Variants in TCERG1L observed in about 807,000 individuals in gnomAD.
The protein encoded by TCERG1L is transcription elongation regulator 1 like, also known as transcription elongation regulator 1-like protein.
In TCERG1L, 37 loss-of-function variants were observed where a neutral mutation model predicts 56.3. That is an observed-to-expected ratio of 0.66 (90% CI 0.51 to 0.87). The LOEUF (loss-of-function observed/expected upper bound fraction) is 0.87. Among genes scored for constraint, TCERG1L ranks in the 40% least tolerant of loss-of-function variants. TCERG1L has a pLI of 0.00. For missense variants in TCERG1L, 799 were observed against 774.2 expected, an observed-to-expected ratio of 1.03 and a Z score of -0.38; for synonymous variants, 324 against 326.3, an observed-to-expected ratio of 0.99 and a Z score of 0.08.
intron 9 of TCERG1L, among the ~76,000 whole-genome samples, chr10:131,115,765 G>C (rs1389591013): frequency 1.1e-4 from 16 of 152,282 alleles, no homozygotes; most frequent in African/African-American, 3.6e-4. Flanking sequence ...ATTCCTAAGG[G>C]GTAGGACCTG....
intron 1 of TCERG1L, 106 bp from the exon 2 acceptor site, chr10:131,309,405 G>T (rs1407153751): frequency 1.4e-6 from 2 of 1,395,042 alleles, no homozygotes; most frequent in Admixed American, 5.6e-5. Context: ...ATTTCAAAAT[G>T]TATGTATTTG....
intron 4 of TCERG1L, among the ~76,000 whole-genome samples, chr10:131,218,341 C>T (rs1003991287): frequency 2.0e-5 from 3 of 152,174 alleles, no homozygotes; most frequent in Non-Finnish European, 2.9e-5. Flanking sequence ...GTGGAAACGC[C>T]GCATAATCCT....
chr10:131,169,173 C>T (rs1846063556), intron 4 of TCERG1L, among the ~76,000 whole-genome samples: 3 of 152,186 alleles, frequency 2.0e-5, no homozygotes, highest in African/African-American at 7.2e-5. Context: ...TGTCCTGATC[C>T]TGCAGGGTCG....
intron 4 of TCERG1L, among the ~76,000 whole-genome samples, chr10:131,242,103 T>C (rs1845980098): frequency 6.6e-6 from 1 of 152,126 alleles, no homozygotes; most frequent in African/African-American, 2.4e-5. Flanking sequence ...ATACTTTTAT[T>C]AGGAGGTTGT....
Position 131,229,975 on chromosome 10 carries a change from C to T in TCERG1L, c.856+30284G>A, listed in dbSNP as rs372944568. On this transcript the variant is annotated intron_variant, in intron 4 of 11. Coordinates refer to ENST00000368642, the MANE Select transcript of TCERG1L (RefSeq NM_174937.4). ...TACAAGGACGAGGCAGCTTCCCCTC[C>T]GCAGAAGCAGCTCTGAGCGTTGAAA... Among the ~76,000 whole-genome samples, 52 of 152,316 alleles carry T rather than the reference C, an allele frequency of 3.4e-4. 2 individuals are homozygous for T. The highest frequency in any genetic ancestry group is 2.1e-3 in the East Asian group (11 of 5,166).
intron 3 of TCERG1L, among the ~76,000 whole-genome samples, chr10:131,280,330 T>C (rs1846437466): frequency 6.6e-6 from 1 of 151,920 alleles, no homozygotes; most frequent in South Asian, 2.1e-4. Context: ...CATTCCCAGC[T>C]TGACTTTTCC....
chr10:131,311,317 G>C lies in TCERG1L; in HGVS notation c.319C>G (p.Pro107Ala), dbSNP rs1346862233. 11 of 1,207,498 alleles carry C rather than the reference G, an allele frequency of 9.1e-6. No individual in the cohort carries two copies. Among genetic ancestry groups the C allele is most frequent in the South Asian group, 4.1e-5 (1 of 24,198 alleles). The allele number at this position is 1,207,498 out of a possible 1,614,324, so 74.8% of individuals were successfully genotyped here. A position where few individuals can be genotyped will look rare whatever the true frequency, so the allele number is the denominator to read the frequency against. ...PDSAAAAAAH[P>A]FPALHGQWLF... ...ACCTGCCCGTGGAGCGCGGGGAAGG[G>C]GTGCGCGGCGGCGGCGGCGGCGGAG... Residue 107 changes from proline to alanine, a missense_variant, in exon 1 of 12, where the codon CCC (proline) becomes GCC (alanine). Coordinates refer to ENST00000368642, the MANE Select transcript of TCERG1L (RefSeq NM_174937.4). The surrounding 1 kb of genome is among the most constrained non-coding windows in gnomAD (Gnocchi z 4.0).
At chr10:131,221,420 G>C (rs535371153) in intron 4 of TCERG1L, among the ~76,000 whole-genome samples, 26 of 152,340 alleles carry the variant, frequency 1.7e-4, no homozygotes, top group Admixed American at 4.6e-4. Context: ...AGTGGAGAAA[G>C]ACCCCACCTA....
At chr10:131,217,215 T>C (rs1359151560) in intron 4 of TCERG1L, among the ~76,000 whole-genome samples, 1 of 152,022 alleles carries the variant, frequency 6.6e-6, no homozygotes, top group African/African-American at 2.4e-5. Context: ...GTGAGTGAGT[T>C]TTCCTGAGAT....
chr10:131,146,607 T>C lies in TCERG1L; in HGVS notation c.1088A>G (p.His363Arg). Residue 363 changes from histidine (H) to arginine (R), a missense_variant, in exon 7 of 12, where the codon CAC becomes CGC. Transcript: ENST00000368642. ...CATGGGCTTCTCCCAGACAGACAGG[T>C]GCATCGTTGGGTTGAAGAAGAAAAC... ...DRVFFFNPTM[H>R]LSVWEKPMDL... 6.2e-7 allele frequency: 1 copy of C among 1,613,724 alleles called. No homozygotes were observed. Among genetic ancestry groups the C allele is most frequent in the Non-Finnish European group, 8.5e-7 (1 of 1,179,836 alleles).
chr10:131,308,451 T>C (rs966107902), intron 2 of TCERG1L, 60 bp from the exon 3 acceptor site: 2 of 1,441,280 alleles, frequency 1.4e-6, no homozygotes, highest in African/African-American at 1.4e-5. Flanking sequence ...AAGCTGAGCA[T>C]GACCATGAAA....
Position 131,197,240 on chromosome 10 carries a change from G to T in TCERG1L, c.857-30355C>A, listed in dbSNP as rs72849723. ...TTGCACTGCCAGGCTGCAGTGCAAT[G>T]GCAAGATCTCGGCTCAGTGCAAGCT... On this transcript the variant is annotated intron_variant, in intron 4 of 11. Transcript: ENST00000368642. 8.9e-3 allele frequency among the ~76,000 whole-genome samples: 1,340 copies of T among 151,234 alleles called. 21 individuals carry two copies. The highest frequency in any genetic ancestry group is 0.019 in the Admixed American group (288 of 15,216).
At chr10:131,297,093 T>C (rs1846702041) in intron 3 of TCERG1L, among the ~76,000 whole-genome samples, 1 of 152,222 alleles carries the variant, frequency 6.6e-6, no homozygotes, top group East Asian at 1.9e-4. Flanking sequence ...TTTTGCCTTG[T>C]TGCATAACTA....
chr10:131,120,193 G>A (rs370435718), intron 8 of TCERG1L, among the ~76,000 whole-genome samples: 141 of 152,206 alleles, frequency 9.3e-4, no homozygotes, highest in South Asian at 1.7e-3. Flanking sequence ...GTGCGCATGC[G>A]TGCATCTGTC....
intron 9 of TCERG1L, among the ~76,000 whole-genome samples, chr10:131,116,349 G>A (rs1053891068): frequency 1.3e-4 from 20 of 152,162 alleles, no homozygotes; most frequent in East Asian, 1.9e-4. Flanking sequence ...GTCGGGCACC[G>A]CGACTGGCCC....
At chr10:131,253,381 G>GC (rs111416254) in intron 4 of TCERG1L, among the ~76,000 whole-genome samples, 2 of 152,004 alleles carry the variant, frequency 1.3e-5, no homozygotes, top group African/African-American at 2.4e-5. Context: ...CTTCGACCCT[G>GC]CCCCCCAGCT....
chr10:131,298,403 G>A (rs888726384), intron 3 of TCERG1L, among the ~76,000 whole-genome samples: 1 of 151,924 alleles, frequency 6.6e-6, no homozygotes, highest in Admixed American at 6.6e-5. Context: ...GTTGTGGTCG[G>A]AAAATAAATT....
At chr10:131,248,361 C>T (rs76724100) in intron 4 of TCERG1L, among the ~76,000 whole-genome samples, 3,508 of 152,268 alleles carry the variant, frequency 0.023, 103 homozygotes, top group East Asian at 0.06. Flanking sequence ...AGGACAATGA[C>T]AGAAAGGTCT....
chr10:131,279,987 G>A (rs1267483914), intron 3 of TCERG1L, among the ~76,000 whole-genome samples: 4 of 152,114 alleles, frequency 2.6e-5, no homozygotes, highest in African/African-American at 9.7e-5. Context: ...ACCCTTTCGT[G>A]AGCCCCGAAA....
Sources: allele counts gnomAD v4.1 joint callset (sites outside exome capture counted in the v4.1 genomes callset), GRCh38; gene constraint gnomAD v4.1.1; non-coding constraint Gnocchi (gnomAD v3.1); transcripts MANE v1.5; gene names NCBI Gene and HGNC (gene_info 2026-07-23, HGNC 2026-07-21).